DPP10: variants seen among roughly 807,000 people sequenced by gnomAD.
The protein encoded by DPP10 is inactive dipeptidyl peptidase 10.
DPP10 carries 33 observed loss-of-function variants against 120.9 expected under a neutral mutation model. The observed-to-expected ratio is 0.27, with a 90% confidence interval of 0.21 to 0.37. The LOEUF (loss-of-function observed/expected upper bound fraction) is 0.37. DPP10 is among the 10% of genes least tolerant of loss of function. DPP10 has a pLI of 1.00. For synonymous variants in DPP10, 337 were observed against 326.1 expected, an observed-to-expected ratio of 1.03 and a Z score of -0.36; for missense variants, 816 against 942.8, an observed-to-expected ratio of 0.87 and a Z score of 1.76.
intron 1 of DPP10, among the ~76,000 whole-genome samples, chr2:114,809,463 A>G (rs568959352): frequency 6.6e-6 from 1 of 152,206 alleles, no homozygotes; most frequent in Non-Finnish European, 1.5e-5. Context: ...AGCTTCGATA[A>G]AAGTAGTCGA....
At chr2:115,620,501 A>AAGC (rs1240976755) in intron 5 of DPP10, among the ~76,000 whole-genome samples, 4 of 152,236 alleles carry the variant, frequency 2.6e-5, no homozygotes, top group African/African-American at 9.6e-5. Flanking sequence ...CAAGCCTGCA[A>AAGC]AGCACCATCA....
At chr2:115,794,857 T>G (rs1379056158) in intron 19 of DPP10, among the ~76,000 whole-genome samples, 1 of 152,142 alleles carries the variant, frequency 6.6e-6, no homozygotes, top group African/African-American at 2.4e-5. Context: ...TATTCTTACT[T>G]CCTACTCATG....
intron 1 of DPP10, among the ~76,000 whole-genome samples, chr2:115,221,297 G>T (rs1056756685): frequency 2.6e-5 from 4 of 152,130 alleles, no homozygotes; most frequent in Non-Finnish European, 4.4e-5. Flanking sequence ...TTAGGGTAGT[G>T]TAGTCCCCAC....
At chr2:114,541,429 G>A (rs1259532034) in intron 1 of DPP10, among the ~76,000 whole-genome samples, 5 of 152,146 alleles carry the variant, frequency 3.3e-5, no homozygotes, top group Admixed American at 6.5e-5. Flanking sequence ...CAGGAATTCC[G>A]GAATTCCATA....
intron 5 of DPP10, among the ~76,000 whole-genome samples, chr2:115,573,276 ATTTT>A (rs34420249): frequency 5.8e-5 from 5 of 86,522 alleles, no homozygotes; most frequent in African/African-American, 8.8e-5. Flanking sequence ...GCTTCCTGGG[ATTTT>A]TTTTTTTTTT....
chr2:115,076,344 T>C (rs1707794391), intron 1 of DPP10, among the ~76,000 whole-genome samples: 1 of 130,458 alleles, frequency 7.7e-6, no homozygotes, highest in Non-Finnish European at 1.6e-5. Context: ...TCCTCCACTA[T>C]ACATACAATT....
intron 1 of DPP10, among the ~76,000 whole-genome samples, chr2:115,023,566 C>T (rs779599568): frequency 2.6e-5 from 4 of 152,162 alleles, no homozygotes; most frequent in Non-Finnish European, 5.9e-5. Flanking sequence ...CTAGTACAAC[C>T]ACTAGGGCAA....
intron 1 of DPP10, among the ~76,000 whole-genome samples, chr2:115,172,722 G>C (rs2053439512): frequency 6.6e-6 from 1 of 152,180 alleles, no homozygotes; most frequent in African/African-American, 2.4e-5. Context: ...TCCAAGAGGT[G>C]CTGAAAAATG....
intron 1 of DPP10, among the ~76,000 whole-genome samples, chr2:115,232,161 G>A (rs561821294): frequency 1.3e-5 from 2 of 152,160 alleles, no homozygotes; most frequent in South Asian, 2.1e-4. Context: ...CCTTGGCATC[G>A]GAAGGCTCCC....
rs10637786 is a variant in DPP10, at chr2:115,603,560, G to GTTTTT, written c.441+77593_441+77597dup. ...ACTACTGTGTGTTTTCGTTGTTGTTGTTTTTTTTTGTTTTTTTTTTTTTTG... is the reference window on the plus strand; with the variant it reads ...ACTACTGTGTGTTTTCGTTGTTGTTGTTTTTTTTTTTTTTGTTTTTTTTTTTTTTG... On this transcript the variant is annotated intron_variant, in intron 5 of 25. Transcript: ENST00000410059. Among the ~76,000 whole-genome samples the GTTTTT allele has an allele frequency of 2.5e-3, 310 of 126,298 alleles. 1 individual carries two copies. Among genetic ancestry groups the GTTTTT allele is most frequent in the African/African-American group, 7.5e-3 (246 of 32,934 alleles). The allele number at this position is 126,298 out of a possible 152,430, so 82.9% of individuals were successfully genotyped here. A position where few individuals can be genotyped will look rare whatever the true frequency, so the allele number is the denominator to read the frequency against.
At chr2:115,702,863 G>T (rs1213209446) in intron 7 of DPP10, among the ~76,000 whole-genome samples, 1 of 152,016 alleles carries the variant, frequency 6.6e-6, no homozygotes, top group African/African-American at 2.4e-5. Context: ...TGAAGAATAG[G>T]TGTTTTTCTA....
At chr2:115,210,532 C>T (rs943777004) in intron 1 of DPP10, among the ~76,000 whole-genome samples, 1 of 152,068 alleles carries the variant, frequency 6.6e-6, no homozygotes, top group Non-Finnish European at 1.5e-5. Flanking sequence ...GGGTGTATAC[C>T]TAGTAAGGGG....
At chr2:115,643,851 A>G (rs2086992368) in intron 5 of DPP10, among the ~76,000 whole-genome samples, 1 of 152,186 alleles carries the variant, frequency 6.6e-6, no homozygotes, top group Non-Finnish European at 1.5e-5. Context: ...GTCACTGTTT[A>G]GGGCAAATCA....
At chr2:115,768,533 CT>C in intron 13 of DPP10, 129 bp downstream of exon 13, 2 of 702,040 alleles carry the variant, frequency 2.8e-6, no homozygotes, top group Non-Finnish European at 4.7e-6. Flanking sequence ...TCACAGACAT[CT>C]TAGGAAGAGG....
At chr2:115,635,175 C>A (rs1188174909) in intron 5 of DPP10, among the ~76,000 whole-genome samples, 1 of 150,438 alleles carries the variant, frequency 6.6e-6, no homozygotes, top group African/African-American at 2.5e-5. Flanking sequence ...GCCGCCCTTC[C>A]CCTTGAAAGC....
At chr2:114,598,722 A>T (rs868213214) in intron 1 of DPP10, among the ~76,000 whole-genome samples, 15 of 151,878 alleles carry the variant, frequency 9.9e-5, no homozygotes, top group Admixed American at 6.6e-5. Context: ...TAACATGGAG[A>T]TCATTGATGG....
chr2:114,836,657 C>G (rs1462472020), intron 1 of DPP10, among the ~76,000 whole-genome samples: 2 of 152,114 alleles, frequency 1.3e-5, no homozygotes, highest in African/African-American at 2.4e-5. Context: ...AACTTCTTAT[C>G]AGGGGACAGG....
intron 1 of DPP10, among the ~76,000 whole-genome samples, chr2:114,497,247 A>G (rs1425928263): frequency 8.0e-6 from 1 of 125,066 alleles, no homozygotes; most frequent in African/African-American, 3.0e-5. Flanking sequence ...ATACATGTGT[A>G]TGCATGTACG....
intron 1 of DPP10, among the ~76,000 whole-genome samples, chr2:115,115,366 G>C (rs4462788): frequency 6.6e-6 from 1 of 151,860 alleles, no homozygotes; most frequent in African/African-American, 2.4e-5. Flanking sequence ...ATAAGATCCA[G>C]GGTTACCTTT....
Sources: allele counts gnomAD v4.1 joint callset (sites outside exome capture counted in the v4.1 genomes callset), GRCh38; gene constraint gnomAD v4.1.1; transcripts MANE v1.5; gene names NCBI Gene and HGNC (gene_info 2026-07-23, HGNC 2026-07-21).